Variants in MCM3AP observed in about 807,000 individuals in gnomAD.
MCM3AP encodes minichromosome maintenance complex component 3 associated protein.
A neutral mutation model predicts 184.1 loss-of-function variants in MCM3AP; 126 were observed. The ratio of observed to expected loss-of-function variants is 0.68; its 90% confidence interval spans 0.59 to 0.79. The LOEUF is 0.79. Among genes scored for constraint, MCM3AP ranks in the 30% least tolerant of loss-of-function variants. MCM3AP has a pLI of 0.00. For missense variants in MCM3AP, 2,496 were observed against 2,479.2 expected (o/e 1.01, Z -0.14); for synonymous variants, 1,002 against 979.3 (o/e 1.02, Z -0.43).
chr21:46,254,693 G>A, intron 18 of MCM3AP, 83 bp downstream of exon 18: 1 of 1,433,488 alleles, frequency 7.0e-7, no homozygotes. Context: ...CTCAGTTGGA[G>A]ATGCATGAAG....
intron 9 of MCM3AP, chr21:46,267,611 C>T (rs1251990702): frequency 1.3e-5 from 2 of 154,894 alleles, no homozygotes; most frequent in Non-Finnish European, 2.9e-5. Context: ...AAGACAGAGA[C>T]CAGGTGCAGT....
chr21:46,281,250 GAAT>G (rs1484622987), intron 2 of MCM3AP, among the ~76,000 whole-genome samples: 1 of 152,188 alleles, frequency 6.6e-6, no homozygotes, highest in Non-Finnish European at 1.5e-5. Flanking sequence ...GGGAGCTGCA[GAAT>G]AACACACATG....
At chr21:46,258,700 G>A (rs567503550) in intron 16 of MCM3AP, among the ~76,000 whole-genome samples, 6 of 150,382 alleles carry the variant, frequency 4.0e-5, no homozygotes, top group East Asian at 1.9e-4. Context: ...TAGCCACCAC[G>A]TCCCAATCTA....
intron 9 of MCM3AP, chr21:46,267,482 C>T: frequency 8.5e-6 from 2 of 234,776 alleles, no homozygotes; most frequent in Admixed American, 5.3e-5. Context: ...CAGGAAGGTG[C>T]TGCAGAGGAC....
intron 24 of MCM3AP, 76 bp downstream of exon 24, chr21:46,243,389 A>G (rs557311799): frequency 9.4e-6 from 14 of 1,496,230 alleles, no homozygotes; most frequent in South Asian, 5.3e-5. Context: ...AACATCAACT[A>G]AACATCTTCC....
chr21:46,275,372 C>G (rs377028175), intron 5 of MCM3AP, 47 bp from the exon 6 acceptor site: 6 of 1,542,832 alleles, frequency 3.9e-6, no homozygotes, highest in Non-Finnish European at 1.8e-6. Context: ...ATGGTTAGCA[C>G]GAACCTACAG....
At chr21:46,258,832 C>T in intron 16 of MCM3AP, 107 bp downstream of exon 16, 1 of 1,232,020 alleles carries the variant, frequency 8.1e-7, no homozygotes, top group Non-Finnish European at 1.2e-6. Flanking sequence ...CATTTTCCCT[C>T]ATCCTTTTAC....
intron 8 of MCM3AP, among the ~76,000 whole-genome samples, chr21:46,271,704 C>CA (rs973368768): frequency 6.6e-6 from 1 of 151,418 alleles, no homozygotes; most frequent in Non-Finnish European, 1.5e-5. Context: ...ACTAAAAATA[C>CA]AAAAAAATGA....
At chr21:46,249,418 A>C (rs535108418) in intron 20 of MCM3AP, among the ~76,000 whole-genome samples, 1 of 152,192 alleles carries the variant, frequency 6.6e-6, no homozygotes, top group South Asian at 2.1e-4. Flanking sequence ...GAACTCCTGC[A>C]CTCAAAACAA....
chr21:46,244,084 T>TG (rs2080722940), intron 23 of MCM3AP, among the ~76,000 whole-genome samples: 1 of 152,190 alleles, frequency 6.6e-6, no homozygotes, highest in Non-Finnish European at 1.5e-5. Flanking sequence ...TTGTGCTGAG[T>TG]GGTTTGCTTC....
In MCM3AP at chr21:46,242,719, C is replaced by T. The variant is rs559245684; in HGVS notation, c.5426+83G>A. The stretch of plus-strand genomic sequence containing the variant: ...TCTGCCCACAGTGGACTGGATTTGG[C>T]ATGTAGGATGTTAATTTCTATTTAC... On this transcript the variant is annotated intron_variant, in intron 25 of 27. Transcript: ENST00000291688. 2.4e-5 allele frequency: 34 copies of T among 1,407,404 alleles called. No homozygotes were observed. The East Asian group carries it at 7.4e-4, about 31-fold the overall frequency. 87.2% of individuals were successfully genotyped at this position (1,407,404 alleles called of 1,614,324 possible). A position where few individuals can be genotyped will look rare whatever the true frequency, so the allele number is the denominator to read the frequency against.
In MCM3AP at chr21:46,257,467, TCC is replaced by T. The variant is rs2080973306; in HGVS notation, c.3735-483_3735-482del. Among the ~76,000 whole-genome samples the T allele has an allele frequency of 1.3e-4, 11 of 83,862 alleles. No homozygotes were observed. The South Asian group carries it at 5.0e-3, about 38-fold the overall frequency. 55.0% of individuals were successfully genotyped at this position (83,862 alleles called of 152,430 possible). A position where few individuals can be genotyped will look rare whatever the true frequency, so the allele number is the denominator to read the frequency against. ...TCCAGGCTGTGTGTACCAGCAAGGCTCCGTCTCAAAAAAAAAAAAAAAAAAAA... is the reference window on the plus strand; with the variant it reads ...TCCAGGCTGTGTGTACCAGCAAGGCTGTCTCAAAAAAAAAAAAAAAAAAAA... On this transcript the variant is annotated intron_variant, in intron 16 of 27. Coordinates refer to ENST00000291688, the MANE Select transcript of MCM3AP (RefSeq NM_003906.5).
intron 17 of MCM3AP, among the ~76,000 whole-genome samples, chr21:46,256,079 C>T (rs907384335): frequency 2.0e-5 from 3 of 152,182 alleles, no homozygotes; most frequent in Admixed American, 2.0e-4. Context: ...GAGGCCCCAG[C>T]GGTGTGCCTG....
At chr21:46,279,693 G>C (rs2081303481) in intron 4 of MCM3AP, among the ~76,000 whole-genome samples, 1 of 139,410 alleles carries the variant, frequency 7.2e-6, no homozygotes. Context: ...TGGCCCTAGG[G>C]TATATGAGAA....
At position 46,284,905 on chromosome 21, in the gene MCM3AP, CAAAAGCAGAAGT is replaced by C; in HGVS notation, c.370_381del (p.Thr124_Phe127del). On this transcript the variant is annotated inframe_deletion, in exon 1 of 28. Transcript: ENST00000291688. ...TTCACTATTTCTCCAGCTTCTTGTC[CAAAAGCAGAAGT>C]GCTTGGGAAAGCCCCAACACTGGTG... The C allele has an allele frequency of 6.2e-7, 1 of 1,614,150 alleles. No homozygotes were observed. Among genetic ancestry groups the C allele is most frequent in the Non-Finnish European group, 8.5e-7 (1 of 1,180,032 alleles).
intron 16 of MCM3AP, among the ~76,000 whole-genome samples, chr21:46,257,649 G>A (rs2080977227): frequency 6.7e-6 from 1 of 148,210 alleles, no homozygotes; most frequent in Admixed American, 6.7e-5. Flanking sequence ...GTCCAGGCTC[G>A]GTGGCTCACG....
At chr21:46,265,632 A>T in intron 11 of MCM3AP, 109 bp from the exon 12 acceptor site, 1 of 915,254 alleles carries the variant, frequency 1.1e-6, no homozygotes, top group Non-Finnish European at 1.6e-6. Flanking sequence ...AGTGACCCTG[A>T]GGACTGGCCT....
At position 46,285,323 on chromosome 21, in the gene MCM3AP, T is replaced by C. The variant is rs17176131; in HGVS notation, c.-37A>G. On this transcript the variant is annotated 5_prime_UTR_variant, in exon 1 of 28. Transcript: ENST00000291688. Reference sequence around the variant, plus strand: ...ATTATTAGAAGGTAATTAAGTATTATGTGTACAAAATTAATTGGCTTCCTG... The same window carrying C: ...ATTATTAGAAGGTAATTAAGTATTACGTGTACAAAATTAATTGGCTTCCTG... 643,620 of 1,449,044 alleles carry C rather than the reference T, an allele frequency of 0.44. 146,126 individuals carry two copies. The highest frequency in any genetic ancestry group is 0.53 in the Admixed American group (30,043 of 57,168). 89.8% of individuals were successfully genotyped at this position (1,449,044 alleles called of 1,614,324 possible).
chr21:46,237,065 C>A, intron 26 of MCM3AP, 86 bp from the exon 27 acceptor site: 47 of 562,368 alleles, frequency 8.4e-5, no homozygotes, highest in Non-Finnish European at 1.2e-4. Flanking sequence ...TACTTAAAAA[C>A]TTTTTAAGCC....
Sources: gnomAD v4.1 joint callset for allele counts (sites outside exome capture counted in the v4.1 genomes callset) on GRCh38, gnomAD v4.1.1 for gene constraint, MANE v1.5 for transcripts, NCBI Gene and HGNC (gene_info 2026-07-23, HGNC 2026-07-21) for gene names.